The following EP400 variants were observed in gnomAD, a reference collection of about 807,000 sequenced individuals.
The protein encoded by EP400 is E1A binding protein p400.
Under a neutral mutation model 354.1 loss-of-function variants are expected in EP400, and 105 were observed. That is an observed-to-expected ratio of 0.30 (90% CI 0.25 to 0.35). The LOEUF is 0.35. Among genes scored for constraint, EP400 ranks in the 10% least tolerant of loss-of-function variants. The pLI, the probability that EP400 is intolerant of heterozygous loss-of-function variation, is 1.00. For synonymous variants in EP400, 1,646 were observed against 1,716.9 expected (o/e 0.96, Z 1.02); for missense variants, 3,280 against 4,121.0 (o/e 0.80, Z 5.59).
Position 131,957,032 on chromosome 12 carries a change from C to T in EP400, c.-35-3553C>T, listed in dbSNP as rs112631350. On this transcript the variant is annotated intron_variant, in intron 1 of 52. Coordinates refer to ENST00000389561, the MANE Select transcript of EP400 (RefSeq NM_015409.5). The stretch of plus-strand genomic sequence containing the variant: ...GATTACAGGCATGTGCCACCACGCC[C>T]GGCTAATTTTTTGTATTTAATAGAG... 3.5e-3 allele frequency among the ~76,000 whole-genome samples: 536 copies of T among 151,982 alleles called. 1 individual carries two copies. Among genetic ancestry groups the T allele is most frequent in the African/African-American group, 0.012 (497 of 41,484 alleles).
At chr12:132,005,973 G>T in intron 13 of EP400, 139 bp from the exon 14 acceptor site, 1 of 780,412 alleles carries the variant, frequency 1.3e-6, no homozygotes, top group East Asian at 2.8e-5. Flanking sequence ...AGATATTTTG[G>T]ATTACAAATA....
At chr12:131,982,906 G>C (rs572195241) in intron 5 of EP400, among the ~76,000 whole-genome samples, 28 of 151,184 alleles carry the variant, frequency 1.9e-4, no homozygotes, top group Non-Finnish European at 3.7e-4. Flanking sequence ...GGAGGTGAAG[G>C]TTGCACTGAG....
chr12:131,971,173 C>T (rs1351104333), intron 2 of EP400, among the ~76,000 whole-genome samples: 1 of 152,122 alleles, frequency 6.6e-6, no homozygotes, highest in African/African-American at 2.4e-5. Flanking sequence ...CACTACACTC[C>T]AGGCTGGGCT....
chr12:132,036,361 G>A (rs1894715456), intron 30 of EP400, among the ~76,000 whole-genome samples: 1 of 150,098 alleles, frequency 6.7e-6, no homozygotes. Flanking sequence ...GGTTCACATG[G>A]AACATCGTGG....
chr12:132,024,835 T>G (rs1593355186), intron 24 of EP400, among the ~76,000 whole-genome samples: 2 of 111,426 alleles, frequency 1.8e-5, no homozygotes, highest in African/African-American at 3.5e-5. Context: ...CGGTGGCACC[T>G]TCCCCCACCT....
At position 131,960,691 on chromosome 12, in the gene EP400, G is replaced by T; in HGVS notation, c.72G>T (p.Glu24Asp). 1 of 1,579,484 alleles carries T rather than the reference G, an allele frequency of 6.3e-7. No homozygotes were observed. The highest frequency in any genetic ancestry group is 8.6e-7 in the Non-Finnish European group (1 of 1,164,362). Residue 24 changes from glutamate to aspartate, a missense_variant, in exon 2 of 53, where the codon GAG becomes GAT. This residue lies in a region of EP400 where 172 missense variants were observed against 242.9 expected (regional missense o/e 0.71). Coordinates refer to ENST00000389561, the MANE Select transcript of EP400 (RefSeq NM_015409.5). ...GGTCCAGGGCCTGCCCTGGCAGCGA[G>T]GGTGAGGAGCAGCCGGCCCACCCCA... ...LQRSRACPGS[E>D]GEEQPAHPNP...
At chr12:131,971,389 G>A (rs1233140137) in intron 2 of EP400, among the ~76,000 whole-genome samples, 2 of 152,108 alleles carry the variant, frequency 1.3e-5, no homozygotes, top group African/African-American at 4.8e-5. Flanking sequence ...CTGTTGCTGG[G>A]CACTTAGGTT....
Position 131,986,509 on chromosome 12 carries a change from T to C in EP400, c.1930-5T>C, listed in dbSNP as rs145286540. On this transcript the variant is annotated splice_polypyrimidine_tract_variant and splice_region_variant and intron_variant, in intron 5 of 52. Coordinates refer to ENST00000389561, the MANE Select transcript of EP400 (RefSeq NM_015409.5). ...CCTTGCTCCACTTGTGCCCTGCCCT[T>C]ACAGATGGTAGCATCGACAAGGCTC... is the stretch of plus-strand genomic sequence containing the variant. The C allele has an allele frequency of 3.5e-4, 558 of 1,592,378 alleles. 6 individuals are homozygous for C. In the East Asian group the frequency reaches 0.012, roughly 33 times the overall value.
intron 2 of EP400, chr12:131,963,734 AT>A (rs1342378109): frequency 6.9e-5 from 67 of 969,744 alleles, no homozygotes; most frequent in South Asian, 1.7e-4. Context: ...GCTCTTCAGC[AT>A]TTTTTTTCCA....
chr12:132,011,965 C>G (rs953221675), intron 16 of EP400, among the ~76,000 whole-genome samples: 1 of 152,220 alleles, frequency 6.6e-6, no homozygotes, highest in African/African-American at 2.4e-5. Context: ...CTGGCTTCCA[C>G]AGGCACAGAG....
intron 1 of EP400, among the ~76,000 whole-genome samples, chr12:131,954,393 G>C (rs1304663276): frequency 6.6e-6 from 1 of 151,532 alleles, no homozygotes; most frequent in African/African-American, 2.4e-5. Flanking sequence ...TTCGAGACCA[G>C]CCTGGGGAAT....
At chr12:132,055,254 C>T (rs1360938315) in intron 45 of EP400, 46 bp downstream of exon 45, 21 of 1,399,464 alleles carry the variant, frequency 1.5e-5, no homozygotes, top group Non-Finnish European at 1.8e-5. Flanking sequence ...TGCATTCTGC[C>T]GAAATTATTT....
chr12:132,070,641 TCTGTAG>T lies in EP400; in HGVS notation c.9021+1005_9021+1010del, dbSNP rs1310848925. On this transcript the variant is annotated intron_variant, in intron 51 of 52. Transcript: ENST00000389561. This position sits in a 1 kb window ranked among gnomAD's most constrained non-coding sequence, Gnocchi z 4.1. ...AAGTTTTTATTAGAATTGCATTGAT[TCTGTAG>T]CTGTTCAGGGGAGAGTTGACATCTT... is the stretch of plus-strand genomic sequence containing the variant. Among the ~76,000 whole-genome samples the T allele has an allele frequency of 6.6e-6, 1 of 152,242 alleles. No homozygotes were observed. The highest frequency in any genetic ancestry group is 1.5e-5 in the Non-Finnish European group (1 of 68,038).
In EP400 at chr12:132,043,322, T is replaced by C. The variant is rs1210436814; in HGVS notation, c.6226T>C (p.Tyr2076His). ...TCCTCAGGCCCTCAAGAGTATTGAG[T>C]ATCTGGAGGAGGATGCCCAGAAGTC... ...PFIEALKSIEYLEEDAQKSAQ... is the reference protein window; with the variant it reads ...PFIEALKSIEHLEEDAQKSAQ... Residue 2076 changes from tyrosine to histidine, a missense_variant, in exon 33 of 53, where the codon TAT becomes CAT. By Grantham distance (83) the Tyr-to-His change is moderately conservative. This residue lies in a region of EP400 where 60 missense variants were observed against 109.9 expected (regional missense o/e 0.55). Transcript: ENST00000389561. 6.2e-7 allele frequency: 1 copy of C among 1,612,656 alleles called. No homozygotes were observed. The highest frequency in any genetic ancestry group is 2.2e-5 in the East Asian group (1 of 44,880).
Position 132,020,160 on chromosome 12 carries a change from G to A in EP400, c.4389G>A (p.Gln1463=), listed in dbSNP as rs1037232941. The A allele has an allele frequency of 1.2e-6, 2 of 1,611,202 alleles. No individual in the cohort carries two copies. The highest frequency in any genetic ancestry group is 1.7e-6 in the Non-Finnish European group (2 of 1,178,922). ...CCACCACGGCCTCTGCTGCTCCACA[G>A]GGCCCGCTTCGAGGACGGCCGCCCA... is the stretch of plus-strand genomic sequence containing the variant. The part of the protein sequence containing the change: ...AAPTTASAAP[Q]GPLRGRPPIA... Residue 1463 remains glutamine, a synonymous_variant, in exon 22 of 53, where the codon CAG becomes CAA. Coordinates refer to ENST00000389561, the MANE Select transcript of EP400 (RefSeq NM_015409.5).
intron 15 of EP400, among the ~76,000 whole-genome samples, chr12:132,007,291 T>C (rs1893615979): frequency 6.6e-6 from 1 of 152,246 alleles, no homozygotes. Context: ...CATGTTATCA[T>C]GTCCATGCCT....
intron 2 of EP400, among the ~76,000 whole-genome samples, chr12:131,967,613 C>T (rs889730609): frequency 1.1e-4 from 17 of 151,650 alleles, no homozygotes; most frequent in African/African-American, 4.1e-4. Context: ...TCTCTTGAAC[C>T]TGGGAGGCGG....
At chr12:132,024,228 C>G (rs1894221093) in intron 24 of EP400, among the ~76,000 whole-genome samples, 1 of 152,114 alleles carries the variant, frequency 6.6e-6, no homozygotes, top group African/African-American at 2.4e-5. Flanking sequence ...AAATATTTGG[C>G]CAGGCGTGGT....
At chr12:131,982,610 A>C in intron 5 of EP400, 132 bp downstream of exon 5, 1 of 1,124,484 alleles carries the variant, frequency 8.9e-7, no homozygotes, top group Non-Finnish European at 1.2e-6. Flanking sequence ...CCAATTTAGA[A>C]CAATTACTCA....
Sources: gnomAD v4.1 joint callset for allele counts (sites outside exome capture counted in the v4.1 genomes callset) on GRCh38, gnomAD v4.1.1 for gene constraint, gnomAD v4.1.1 regional missense constraint, Gnocchi (gnomAD v3.1) non-coding constraint, MANE v1.5 for transcripts, NCBI Gene and HGNC (gene_info 2026-07-23, HGNC 2026-07-21) for gene names.